Variants in TMEM135 observed in about 807,000 individuals in gnomAD.
TMEM135 encodes peroxisomal membrane protein 52.
TMEM135 carries 30 observed loss-of-function variants against 60.3 expected under a neutral mutation model. The observed-to-expected ratio is 0.50, with a 90% CI of 0.37 to 0.68. The LOEUF (loss-of-function observed/expected upper bound fraction) is 0.68. Ranked by LOEUF, TMEM135 falls within the 30% of genes least tolerant of loss-of-function variation. The pLI, the probability that TMEM135 is intolerant of heterozygous loss-of-function variation, is 0.00. For synonymous variants in TMEM135, 190 were observed against 186.7 expected (o/e 1.02, Z -0.14); for missense variants, 468 against 548.8 (o/e 0.85, Z 1.47).
chr11:87,202,859 C>T (rs1046466206), intron 5 of TMEM135, among the ~76,000 whole-genome samples: 3 of 151,000 alleles, frequency 2.0e-5, no homozygotes, highest in South Asian at 2.1e-4. Context: ...GGTGAAACCC[C>T]GTCTCTACTA....
At chr11:87,224,684 T>G (rs1025607734) in intron 5 of TMEM135, among the ~76,000 whole-genome samples, 1 of 152,044 alleles carries the variant, frequency 6.6e-6, no homozygotes, top group African/African-American at 2.4e-5. Flanking sequence ...AACATAATAT[T>G]TTTTCAGCTG....
chr11:87,236,669 A>C lies in TMEM135; in HGVS notation c.494A>C (p.Tyr165Ser). 6.2e-7 allele frequency: 1 copy of C among 1,612,296 alleles called. No individual in the cohort carries two copies. Among genetic ancestry groups the C allele is most frequent in the Non-Finnish European group, 8.5e-7 (1 of 1,178,866 alleles). ...VLLFCITAAM[Y>S]MFFFRCKDGL... ...TTGTTTTGCATCACAGCTGCCATGT[A>C]CATGTTCTTTTTCAGGTATGTTCTG... The change falls in exon 6 of 15, where the codon TAC becomes TCC. Residue 165 changes from tyrosine to serine, a missense_variant. By Grantham distance (144) the Tyr-to-Ser change is moderately radical (BLOSUM62 -2). Coordinates refer to ENST00000305494, the MANE Select transcript of TMEM135 (RefSeq NM_022918.4).
intron 6 of TMEM135, among the ~76,000 whole-genome samples, chr11:87,256,943 T>A (rs930963740): frequency 6.6e-6 from 1 of 152,128 alleles, no homozygotes; most frequent in African/African-American, 2.4e-5. Flanking sequence ...TATGTGTATA[T>A]GTGTATATAT....
intron 4 of TMEM135, among the ~76,000 whole-genome samples, chr11:87,150,320 T>G (rs1938526435): frequency 1.3e-5 from 2 of 152,030 alleles, no homozygotes. Context: ...AATTCCACAA[T>G]GCAGAGGCAA....
intron 4 of TMEM135, among the ~76,000 whole-genome samples, chr11:87,129,808 T>C (rs1046097262): frequency 6.6e-6 from 1 of 152,174 alleles, no homozygotes; most frequent in Non-Finnish European, 1.5e-5. Flanking sequence ...CCGAAAGTTC[T>C]GGGATTACAG....
At chr11:87,226,426 C>G (rs1940765674) in intron 5 of TMEM135, among the ~76,000 whole-genome samples, 2 of 152,092 alleles carry the variant, frequency 1.3e-5, no homozygotes, top group African/African-American at 4.8e-5. Flanking sequence ...ATGTAAATCT[C>G]TATCTGTAAT....
intron 8 of TMEM135, among the ~76,000 whole-genome samples, 187 bp downstream of exon 8, chr11:87,302,629 GTAGAC>G (rs1565163782): frequency 6.6e-6 from 1 of 152,190 alleles, no homozygotes; most frequent in Non-Finnish European, 1.5e-5. Flanking sequence ...TGGCAGGACT[GTAGAC>G]CAGCATATGC....
Position 87,326,859 on chromosome 11 carries a change from G to A in TMEM135, c.*5526G>A, listed in dbSNP as rs1203141482. The A allele has an allele frequency of 2.2e-6, 1 of 452,352 alleles. No individual in the cohort carries two copies. The highest frequency in any genetic ancestry group is 4.4e-6 in the Non-Finnish European group (1 of 226,552). 28.0% of individuals were successfully genotyped at this position (452,352 alleles called of 1,614,324 possible). On this transcript the variant is annotated 3_prime_UTR_variant, in exon 15 of 15. Coordinates refer to ENST00000305494, the MANE Select transcript of TMEM135 (RefSeq NM_022918.4). ...CTAAGGCTCTCTTCAGAACCAAAGG[G>A]CAGGATAAATAAATCTATGAAACTA... is the stretch of plus-strand genomic sequence containing the variant.
intron 1 of TMEM135, among the ~76,000 whole-genome samples, chr11:87,044,383 A>T (rs762109581): frequency 5.3e-5 from 8 of 152,214 alleles, no homozygotes; most frequent in Admixed American, 3.9e-4. Flanking sequence ...AGTTTTTGGT[A>T]ATAGGCATTT....
At chr11:87,043,742 C>A (rs11820010) in intron 1 of TMEM135, among the ~76,000 whole-genome samples, 14,384 of 149,688 alleles carry the variant, frequency 0.096, 747 homozygotes, top group East Asian at 0.17. Context: ...AACAAACAAA[C>A]AAAAAAAACT....
chr11:87,102,361 G>T (rs935330512), intron 4 of TMEM135, among the ~76,000 whole-genome samples: 1 of 152,126 alleles, frequency 6.6e-6, no homozygotes, highest in Non-Finnish European at 1.5e-5. Flanking sequence ...TATTAGAAAG[G>T]TTATGGATGA....
intron 3 of TMEM135, among the ~76,000 whole-genome samples, chr11:87,077,047 A>T (rs1856887981): frequency 6.6e-6 from 1 of 152,228 alleles, no homozygotes; most frequent in Non-Finnish European, 1.5e-5. Flanking sequence ...GTTCCCATGT[A>T]TAGAGTTGTT....
rs1468062440 is a variant in TMEM135 at position 87,163,626 on chromosome 11, A to G, written c.462+6220A>G. On this transcript the variant is annotated intron_variant, in intron 5 of 14. Transcript: ENST00000305494. ...AGGAATTGCCACACTGACTTCCACA[A>G]TGGTTGAACTAATTTACAGTCCCAC... 9.9e-5 allele frequency among the ~76,000 whole-genome samples: 15 copies of G among 152,052 alleles called. No individual in the cohort carries two copies. In the South Asian group the frequency reaches 2.3e-3, roughly 23 times the overall value.
At chr11:87,067,217 ATGTAGTATATATATATT>A (rs1187263285) in intron 1 of TMEM135, among the ~76,000 whole-genome samples, 1 of 147,476 alleles carries the variant, frequency 6.8e-6, no homozygotes, top group Non-Finnish European at 1.5e-5. Context: ...TACTATATAT[ATGTAGTATATATATATT>A]TTTTTTTCTT....
At chr11:87,218,290 A>T (rs1466222451) in intron 5 of TMEM135, among the ~76,000 whole-genome samples, 2 of 152,170 alleles carry the variant, frequency 1.3e-5, no homozygotes, top group Admixed American at 6.5e-5. Flanking sequence ...TTTAAAACTT[A>T]TCTGGGCCTG....
Position 87,322,500 on chromosome 11 carries a change from C to T in TMEM135, c.*1167C>T. ...GACAGCTGTGATTGAAATATGGTCG[C>T]TATTTACAGTTTTTCAGGGAAAAGT... On this transcript the variant is annotated 3_prime_UTR_variant, in exon 15 of 15. Transcript: ENST00000305494. The T allele has an allele frequency of 2.2e-6, 1 of 453,874 alleles. No homozygotes were observed. The highest frequency in any genetic ancestry group is 1.6e-5 in the South Asian group (1 of 64,472). 28.1% of individuals were successfully genotyped at this position (453,874 alleles called of 1,614,324 possible). A position where few individuals can be genotyped will look rare whatever the true frequency, so the allele number is the denominator to read the frequency against.
At chr11:87,249,592 T>A (rs1423364934) in intron 6 of TMEM135, among the ~76,000 whole-genome samples, 3 of 152,102 alleles carry the variant, frequency 2.0e-5, no homozygotes, top group Non-Finnish European at 2.9e-5. Flanking sequence ...TTGTTATAAC[T>A]TTTCTCTTAG....
chr11:87,112,462 A>G (rs1857779473), intron 4 of TMEM135, among the ~76,000 whole-genome samples: 1 of 152,104 alleles, frequency 6.6e-6, no homozygotes, highest in Non-Finnish European at 1.5e-5. Context: ...TTATTGTGAT[A>G]TCCATGGCTA....
chr11:87,228,504 A>G (rs1591120540), intron 5 of TMEM135, among the ~76,000 whole-genome samples: 1 of 152,292 alleles, frequency 6.6e-6, no homozygotes, highest in African/African-American at 2.4e-5. Context: ...GAGAAGAGCA[A>G]TGAGTGTCAG....
Sources: allele counts gnomAD v4.1 joint callset (sites outside exome capture counted in the v4.1 genomes callset), GRCh38; gene constraint gnomAD v4.1.1; transcripts MANE v1.5; gene names NCBI Gene and HGNC (gene_info 2026-07-23, HGNC 2026-07-21).